EPS8: variants seen among roughly 807,000 people sequenced by gnomAD.
EPS8 encodes the protein epidermal growth factor receptor kinase substrate 8.
A neutral mutation model predicts 103.8 loss-of-function variants in EPS8; 42 were observed. That is an observed-to-expected ratio of 0.40 (90% confidence interval 0.32 to 0.52). The LOEUF is 0.52. EPS8 is among the 20% of genes least tolerant of loss of function. The probability of loss-of-function intolerance (pLI) is 0.40; values close to 1 mark genes in which losing one functional copy is unlikely to be tolerated. For synonymous variants in EPS8, 344 were observed against 344.6 expected, an observed-to-expected ratio of 1.00 and a Z score of 0.02; for missense variants, 969 against 1,005.1, an observed-to-expected ratio of 0.96 and a Z score of 0.49.
intron 17 of EPS8, among the ~76,000 whole-genome samples, chr12:15,633,386 A>G (rs1945082718): frequency 4.6e-5 from 7 of 152,206 alleles, no homozygotes; most frequent in Admixed American, 3.9e-4. Context: ...GAATTCTCAC[A>G]TTAGTGTTTC....
intron 1 of EPS8, chr12:15,712,737 A>T: frequency 2.7e-6 from 1 of 376,794 alleles, no homozygotes; most frequent in Non-Finnish European, 3.7e-6. Context: ...CAAAGGGCTT[A>T]CTTGGACTAA....
intron 3 of EPS8, among the ~76,000 whole-genome samples, chr12:15,677,588 T>A (rs1188032596): frequency 1.3e-5 from 2 of 152,238 alleles, no homozygotes; most frequent in Non-Finnish European, 2.9e-5. Context: ...TGGAACATGA[T>A]TTCAACTCGT....
chr12:15,746,334 T>C (rs139498480), intron 1 of EPS8, among the ~76,000 whole-genome samples: 2 of 152,228 alleles, frequency 1.3e-5, no homozygotes, highest in African/African-American at 4.8e-5. Context: ...GCTTGATTTC[T>C]AATTTGTTCA....
At chr12:15,739,768 C>CCA (rs1316219760) in intron 1 of EPS8, among the ~76,000 whole-genome samples, 1 of 152,162 alleles carries the variant, frequency 6.6e-6, no homozygotes, top group African/African-American at 2.4e-5. Flanking sequence ...CCCTTATCAT[C>CCA]TATCCATCCA....
At position 15,704,426 on chromosome 12, in the gene EPS8, A is replaced by C. The variant is rs150816654; in HGVS notation, c.-21-21454T>G. Among the ~76,000 whole-genome samples, 200 of 152,338 alleles carry C rather than the reference A, an allele frequency of 1.3e-3. 5 individuals carry two copies. In the East Asian group the frequency reaches 0.036, roughly 28 times the overall value. On this transcript the variant is annotated intron_variant, in intron 1 of 20. Coordinates refer to ENST00000281172, the MANE Select transcript of EPS8 (RefSeq NM_004447.6). This position sits in a 1 kb window ranked among gnomAD's most constrained non-coding sequence, Gnocchi z 4.6. ...AACAGACATCTCTCATACATACTAC[A>C]ACATGGATGAACCCTGAAGCCATTA...
intron 17 of EPS8, 31 bp from the exon 18 acceptor site, chr12:15,631,695 T>G: frequency 6.6e-7 from 1 of 1,523,230 alleles, no homozygotes. Context: ...AACTTAAAAT[T>G]TAAAAAATAT....
At chr12:15,659,046 G>A (rs765944668) in intron 10 of EPS8, among the ~76,000 whole-genome samples, 2 of 152,086 alleles carry the variant, frequency 1.3e-5, no homozygotes, top group Non-Finnish European at 2.9e-5. Context: ...TTTGGTCCAG[G>A]GTGATGTGGT....
chr12:15,747,947 G>T lies in EPS8; in HGVS notation c.-22+41214C>A, dbSNP rs916237423. On this transcript the variant is annotated intron_variant, in intron 1 of 20. Coordinates refer to ENST00000281172, the MANE Select transcript of EPS8 (RefSeq NM_004447.6). This position sits in a 1 kb window ranked among gnomAD's most constrained non-coding sequence, Gnocchi z 4.4. ...AGGCAGGAGAATCGCTTGAACCCGG[G>T]AGGCGGAGATTGCAGTGAGCCGAGA... 6.6e-6 allele frequency among the ~76,000 whole-genome samples: 1 copy of T among 151,050 alleles called. No homozygotes were observed. Among genetic ancestry groups the T allele is most frequent in the African/African-American group, 2.4e-5 (1 of 40,984 alleles).
At chr12:15,737,813 C>T (rs563548797) in intron 1 of EPS8, among the ~76,000 whole-genome samples, 1 of 152,190 alleles carries the variant, frequency 6.6e-6, no homozygotes, top group African/African-American at 2.4e-5. Flanking sequence ...TCTGTTTCAA[C>T]AGTCCCGCGA....
At position 15,696,381 on chromosome 12, in the gene EPS8, A is replaced by G. The variant is rs769551099; in HGVS notation, c.-21-13409T>C. ...ACTTGGCCGGGTGCAGTGGCTCACA[A>G]CTGTAATCCCAGCACTTTGGGAGGC... On this transcript the variant is annotated intron_variant, in intron 1 of 20. Transcript: ENST00000281172. The surrounding 1 kb of genome is among the most constrained non-coding windows in gnomAD (Gnocchi z 4.8). Among the ~76,000 whole-genome samples, 1 of 152,014 alleles carries G rather than the reference A, an allele frequency of 6.6e-6. No individual in the cohort carries two copies. Among genetic ancestry groups the G allele is most frequent in the Non-Finnish European group, 1.5e-5 (1 of 67,990 alleles).
At position 15,727,241 on chromosome 12, in the gene EPS8, A is replaced by G. The variant is rs1946663159; in HGVS notation, c.-21-44269T>C. Among the ~76,000 whole-genome samples, 1 of 152,186 alleles carries G rather than the reference A, an allele frequency of 6.6e-6. No homozygotes were observed. Among genetic ancestry groups the G allele is most frequent in the Non-Finnish European group, 1.5e-5 (1 of 68,048 alleles). On this transcript the variant is annotated intron_variant, in intron 1 of 20. Transcript: ENST00000281172. The surrounding 1 kb of genome is among the most constrained non-coding windows in gnomAD (Gnocchi z 4.3). ...CCTCGTGGATTTAATATCTACCTTT[A>G]TACGTAGGACTTTACACAACTGGGT...
In EPS8 at chr12:15,641,747, G is replaced by A. The variant is rs1417408785; in HGVS notation, c.1652C>T (p.Ser551Leu). 3.8e-6 allele frequency: 6 copies of A among 1,581,508 alleles called. No homozygotes were observed. Among genetic ancestry groups the A allele is most frequent in the African/African-American group, 2.7e-5 (2 of 73,828 alleles). ...CTCTAAAATATCATCCTTTAGAACC[G>A]AGAGCTCACTGTTGTTCCTTGCTAC... is the stretch of plus-strand genomic sequence containing the variant. ...DFVARNNSEL[S>L]VLKDDILEIL... Residue 551 changes from serine (S) to leucine (L), a missense_variant, in exon 16 of 21, where the codon TCG becomes TTG. Physicochemically the swap from Ser to Leu is moderately radical, Grantham distance 145. Coordinates refer to ENST00000281172, the MANE Select transcript of EPS8 (RefSeq NM_004447.6).
chr12:15,741,725 CT>C (rs1056167416), intron 1 of EPS8, among the ~76,000 whole-genome samples: 7 of 149,522 alleles, frequency 4.7e-5, no homozygotes, highest in African/African-American at 7.3e-5. Context: ...AACATTAAGT[CT>C]TTTTTTTTTA....
At chr12:15,773,480 G>A (rs910070762) in intron 1 of EPS8, among the ~76,000 whole-genome samples, 4 of 151,754 alleles carry the variant, frequency 2.6e-5, no homozygotes, top group Non-Finnish European at 5.9e-5. Context: ...GTTAAAGGGA[G>A]ATAGATACAT....
At chr12:15,737,696 G>GCTA (rs1405409680) in intron 1 of EPS8, among the ~76,000 whole-genome samples, 2 of 152,124 alleles carry the variant, frequency 1.3e-5, no homozygotes, top group East Asian at 3.8e-4. Flanking sequence ...AGCCCATGAT[G>GCTA]CTAACTATTA....
intron 1 of EPS8, among the ~76,000 whole-genome samples, chr12:15,686,713 A>G (rs951310295): frequency 1.3e-5 from 2 of 152,196 alleles, no homozygotes; most frequent in Admixed American, 6.5e-5. Flanking sequence ...ATCCTCAAAT[A>G]TAAGTTTTAG....
At chr12:15,654,829 T>C (rs1945479247) in intron 12 of EPS8, among the ~76,000 whole-genome samples, 1 of 152,168 alleles carries the variant, frequency 6.6e-6, no homozygotes, top group South Asian at 2.1e-4. Context: ...GAATCTATGG[T>C]ACTTTTCCCC....
chr12:15,765,851 T>C (rs1947088758), intron 1 of EPS8, among the ~76,000 whole-genome samples: 1 of 150,174 alleles, frequency 6.7e-6, no homozygotes, highest in South Asian at 2.1e-4. Flanking sequence ...TCTTGCTCTG[T>C]CGCCCAGGCT....
At chr12:15,756,948 A>C (rs1565532225) in intron 1 of EPS8, among the ~76,000 whole-genome samples, 1 of 152,178 alleles carries the variant, frequency 6.6e-6, no homozygotes, top group Admixed American at 6.5e-5. Context: ...CAGTCATCAT[A>C]ATAACATCAT....
Sources: gnomAD v4.1 joint callset for allele counts (sites outside exome capture counted in the v4.1 genomes callset) on GRCh38, gnomAD v4.1.1 for gene constraint, Gnocchi (gnomAD v3.1) non-coding constraint, MANE v1.5 for transcripts, NCBI Gene and HGNC (gene_info 2026-07-23, HGNC 2026-07-21) for gene names.